CEP112: variants seen among roughly 807,000 people sequenced by gnomAD.
CEP112 encodes centrosomal protein 112.
In CEP112, 127 loss-of-function variants were observed where a neutral mutation model predicts 153.0. That is an observed-to-expected ratio of 0.83 (90% CI 0.72 to 0.96). The LOEUF is 0.96. CEP112 is among the 40% of genes least tolerant of loss of function. CEP112 has a pLI of 0.00. For missense variants in CEP112, 1,089 were observed against 1,101.2 expected, an observed-to-expected ratio of 0.99 and a Z score of 0.16; for synonymous variants, 358 against 374.4, an observed-to-expected ratio of 0.96 and a Z score of 0.51.
At chr17:65,972,520 A>C (rs2062879322) in intron 17 of CEP112, among the ~76,000 whole-genome samples, 1 of 152,230 alleles carries the variant, frequency 6.6e-6, no homozygotes, top group African/African-American at 2.4e-5. Flanking sequence ...GAAAGGAAAT[A>C]ATAAAAATCA....
At chr17:66,134,957 T>C (rs2070370374) in intron 4 of CEP112, among the ~76,000 whole-genome samples, 1 of 152,216 alleles carries the variant, frequency 6.6e-6, no homozygotes, top group Non-Finnish European at 1.5e-5. Flanking sequence ...GTGTCTAATT[T>C]ATTTTCATTT....
intron 19 of CEP112, among the ~76,000 whole-genome samples, chr17:65,907,918 C>T (rs1397110595): frequency 5.3e-5 from 8 of 152,208 alleles, no homozygotes; most frequent in Middle Eastern, 3.4e-3. Context: ...TAATGTCTAA[C>T]GGAGTTAATG....
intron 24 of CEP112, among the ~76,000 whole-genome samples, chr17:65,661,242 C>G (rs7212414): frequency 0.2 from 30,979 of 152,046 alleles, 3,920 homozygotes; most frequent in East Asian, 0.43. Context: ...CCTTCTCCAC[C>G]ACACCCTCCC....
intron 25 of CEP112, among the ~76,000 whole-genome samples, chr17:65,637,591 A>G (rs1180277375): frequency 6.6e-6 from 1 of 151,926 alleles, no homozygotes; most frequent in Admixed American, 6.6e-5. Context: ...TTTAAATGTC[A>G]CCTCTCCTGT....
At chr17:65,879,837 G>GA (rs199889725) in intron 20 of CEP112, among the ~76,000 whole-genome samples, 1,216 of 69,068 alleles carry the variant, frequency 0.018, 8 homozygotes, top group Non-Finnish European at 0.028. Flanking sequence ...AAGACAAAAT[G>GA]AAAAAAAAAA....
chr17:65,644,795 C>T lies in CEP112; in HGVS notation c.2698-3730G>A, dbSNP rs888951434. Among the ~76,000 whole-genome samples the T allele has an allele frequency of 3.3e-5, 5 of 152,252 alleles. No individual in the cohort carries two copies. In the East Asian group the frequency reaches 9.6e-4, roughly 29 times the overall value. On this transcript the variant is annotated intron_variant, in intron 24 of 26. Transcript: ENST00000535342. ...AGGCATGGTGGTGTGCACCTGTAGT[C>T]CCAACTACTTGGGAGGCTGAAGTAG...
chr17:65,997,281 T>G (rs1465737653), intron 17 of CEP112, among the ~76,000 whole-genome samples: 1 of 152,196 alleles, frequency 6.6e-6, no homozygotes, highest in Non-Finnish European at 1.5e-5. Flanking sequence ...TCCATAAGCC[T>G]CCTAACAGCA....
intron 14 of CEP112, 84 bp downstream of exon 14, chr17:66,029,039 C>A: frequency 3.8e-6 from 4 of 1,063,312 alleles, no homozygotes; most frequent in East Asian, 2.5e-5. Flanking sequence ...TTTCAAATGC[C>A]AAATAATTTC....
intron 4 of CEP112, among the ~76,000 whole-genome samples, chr17:66,173,264 G>T (rs2146851722): frequency 6.6e-6 from 1 of 152,222 alleles, no homozygotes; most frequent in East Asian, 1.9e-4. Context: ...TGCTAAGGGG[G>T]GTAACCAAGC....
At chr17:65,872,700 A>T (rs2146517408) in intron 20 of CEP112, among the ~76,000 whole-genome samples, 1 of 152,362 alleles carries the variant, frequency 6.6e-6, no homozygotes, top group Admixed American at 6.5e-5. Context: ...TAAAAAAGTA[A>T]ATGTGGTTTC....
chr17:65,937,749 G>A (rs1484376042), intron 18 of CEP112, among the ~76,000 whole-genome samples: 1 of 1,408 alleles, frequency 7.1e-4, no homozygotes, highest in Non-Finnish European at 2.3e-3. Context: ...GGGTGGGGGC[G>A]TCAGCCCCCC....
chr17:66,131,552 T>G (rs2070165721), intron 5 of CEP112, among the ~76,000 whole-genome samples: 1 of 151,348 alleles, frequency 6.6e-6, no homozygotes, highest in Non-Finnish European at 1.5e-5. Context: ...CCATCCTGAC[T>G]AACACAGTGA....
At chr17:65,889,000 C>T (rs1259663485) in intron 20 of CEP112, among the ~76,000 whole-genome samples, 1 of 152,286 alleles carries the variant, frequency 6.6e-6, no homozygotes, top group East Asian at 1.9e-4. Context: ...CAGTTAATCC[C>T]TGCTTCCCTA....
Position 65,905,198 on chromosome 17 carries a change from T to C in CEP112, c.1981-2864A>G, listed in dbSNP as rs2060023565. Among the ~76,000 whole-genome samples the C allele has an allele frequency of 2.0e-5, 3 of 152,014 alleles. No individual in the cohort carries two copies. The South Asian group carries it at 6.2e-4, about 32-fold the overall frequency. On this transcript the variant is annotated intron_variant, in intron 19 of 26. Coordinates refer to ENST00000535342, the MANE Select transcript of CEP112 (RefSeq NM_001199165.4). Reference sequence around the variant, plus strand: ...AGAATGGGAGAAAATTTTTGCAATCTATCTATCTGAGAAAGGGTTAATATC... The same window carrying C: ...AGAATGGGAGAAAATTTTTGCAATCCATCTATCTGAGAAAGGGTTAATATC...
intron 21 of CEP112, among the ~76,000 whole-genome samples, chr17:65,821,692 C>T (rs1380362247): frequency 2.0e-5 from 3 of 150,734 alleles, no homozygotes; most frequent in African/African-American, 7.3e-5. Flanking sequence ...GCTGGGATTA[C>T]AGGCATGTGC....
chr17:65,655,557 G>A (rs1318975755), intron 24 of CEP112, among the ~76,000 whole-genome samples: 1 of 152,122 alleles, frequency 6.6e-6, no homozygotes, highest in Non-Finnish European at 1.5e-5. Context: ...CATTGTAACT[G>A]TCCTTTATAA....
chr17:65,678,808 C>T (rs1175223915), intron 24 of CEP112, among the ~76,000 whole-genome samples: 1 of 148,964 alleles, frequency 6.7e-6, no homozygotes, highest in Non-Finnish European at 1.5e-5. Context: ...GGATTAAAAA[C>T]ATGCAGCAAG....
chr17:65,909,038 C>T (rs1045455184), intron 19 of CEP112, among the ~76,000 whole-genome samples: 10 of 152,066 alleles, frequency 6.6e-5, no homozygotes, highest in Non-Finnish European at 1.5e-4. Context: ...GAACCACTTT[C>T]AATAATCATT....
chr17:66,129,645 T>C (rs2070033390), intron 6 of CEP112, 101 bp downstream of exon 6: 2 of 805,710 alleles, frequency 2.5e-6, no homozygotes, highest in Non-Finnish European at 4.0e-6. Flanking sequence ...ATGTCTAACA[T>C]CCAACGTTCA....
Sources: gnomAD v4.1 joint callset for allele counts (sites outside exome capture counted in the v4.1 genomes callset) on GRCh38, gnomAD v4.1.1 for gene constraint, MANE v1.5 for transcripts, NCBI Gene and HGNC (gene_info 2026-07-23, HGNC 2026-07-21) for gene names.